The following HHAT variants were observed in gnomAD, a reference collection of about 807,000 sequenced individuals.
HHAT encodes hedgehog acyltransferase.
In HHAT, 47 loss-of-function variants were observed where a neutral mutation model predicts 70.8. The ratio of observed to expected loss-of-function variants is 0.66; its 90% CI spans 0.53 to 0.85. The LOEUF is 0.85. Among genes scored for constraint, HHAT ranks in the 40% least tolerant of loss-of-function variants. The pLI is 0.00. For synonymous variants in HHAT, 228 were observed against 247.6 expected (o/e 0.92, Z 0.74); for missense variants, 609 against 604.8 (o/e 1.01, Z -0.07).
chr1:210,520,019 T>TTTTTCTG (rs2095129346), intron 9 of HHAT, among the ~76,000 whole-genome samples: 1 of 145,536 alleles, frequency 6.9e-6, no homozygotes. Context: ...AAACCCTTTG[T>TTTTTCTG]TTTTTTGTTT....
chr1:210,374,078 A>C (rs2089881911), intron 3 of HHAT: 1 of 152,258 alleles, frequency 6.6e-6, no homozygotes, highest in African/African-American at 2.4e-5. Context: ...TTAAACAAAC[A>C]GTGACAATGA....
At chr1:210,575,694 C>A (rs1233764041) in intron 9 of HHAT, among the ~76,000 whole-genome samples, 1 of 152,142 alleles carries the variant, frequency 6.6e-6, no homozygotes, top group African/African-American at 2.4e-5. Flanking sequence ...CTTTGCTTTG[C>A]TTGTTTGTTT....
intron 10 of HHAT, among the ~76,000 whole-genome samples, chr1:210,615,391 C>G (rs1667480563): frequency 1.3e-5 from 2 of 152,186 alleles, no homozygotes; most frequent in South Asian, 4.1e-4. Context: ...GAACTTCCTC[C>G]TTTAGCTCGG....
intron 1 of HHAT, among the ~76,000 whole-genome samples, chr1:210,335,552 T>C (rs2085407651): frequency 6.6e-6 from 1 of 152,170 alleles, no homozygotes; most frequent in Non-Finnish European, 1.5e-5. Flanking sequence ...TATGTAGTCA[T>C]GTCAGTGTGG....
chr1:210,648,289 A>G (rs1356230416), intron 11 of HHAT, among the ~76,000 whole-genome samples: 5 of 152,318 alleles, frequency 3.3e-5, no homozygotes, highest in East Asian at 3.9e-4. Context: ...CCAATTTTGC[A>G]TGGAGAATCT....
chr1:210,332,915 T>C (rs2147906014), intron 1 of HHAT, among the ~76,000 whole-genome samples: 1 of 152,356 alleles, frequency 6.6e-6, no homozygotes, highest in Non-Finnish European at 1.5e-5. Context: ...CAAAGAAGCT[T>C]ACCAGTGATG....
At chr1:210,637,897 T>C (rs1403994079) in intron 11 of HHAT, among the ~76,000 whole-genome samples, 4 of 149,480 alleles carry the variant, frequency 2.7e-5, no homozygotes. Flanking sequence ...CCTGAATAGA[T>C]ATGTATGCAG....
At chr1:210,528,457 G>A (rs1341386230) in intron 9 of HHAT, among the ~76,000 whole-genome samples, 1 of 152,200 alleles carries the variant, frequency 6.6e-6, no homozygotes, top group African/African-American at 2.4e-5. Flanking sequence ...AGTTTTAGGT[G>A]CTAAGCAATA....
intron 3 of HHAT, among the ~76,000 whole-genome samples, chr1:210,386,222 C>CTTTTTTTCTT (rs2091031548): frequency 1.4e-5 from 1 of 69,890 alleles, no homozygotes; most frequent in Non-Finnish European, 2.9e-5. Flanking sequence ...GAGTCCTTTT[C>CTTTTTTTCTT]TTTTTTTCTT....
chr1:210,442,255 G>C (rs1253315621), intron 7 of HHAT, among the ~76,000 whole-genome samples: 1 of 131,716 alleles, frequency 7.6e-6, no homozygotes, highest in African/African-American at 2.8e-5. Context: ...TATCATTGTT[G>C]GACATTTGGG....
intron 10 of HHAT, among the ~76,000 whole-genome samples, chr1:210,608,127 T>G (rs1213700413): frequency 6.6e-6 from 1 of 152,178 alleles, no homozygotes; most frequent in Non-Finnish European, 1.5e-5. Flanking sequence ...TTGCAAATAA[T>G]GCATCTGCAG....
chr1:210,647,680 C>A (rs1674344146), intron 11 of HHAT, among the ~76,000 whole-genome samples: 1 of 152,090 alleles, frequency 6.6e-6, no homozygotes, highest in Admixed American at 6.5e-5. Context: ...CTGGTTTTCA[C>A]AAGAACAAAA....
In HHAT at chr1:210,387,592, A is replaced by G. The variant is rs773488932; in HGVS notation, c.273+11A>G. Reference sequence around the variant, plus strand: ...CTGCTGGCAAGAAAGGTATGATTATATGTGTTGTTACCTTTTAAGTGTGTT... The same window carrying G: ...CTGCTGGCAAGAAAGGTATGATTATGTGTGTTGTTACCTTTTAAGTGTGTT... On this transcript the variant is annotated intron_variant, in intron 4 of 11. Coordinates refer to ENST00000261458, the MANE Select transcript of HHAT (RefSeq NM_018194.6). The G allele has an allele frequency of 6.3e-7, 1 of 1,591,716 alleles. No homozygotes were observed. The highest frequency in any genetic ancestry group is 1.7e-5 in the Admixed American group (1 of 59,928).
At chr1:210,350,128 T>C (rs1265769941) in intron 2 of HHAT, among the ~76,000 whole-genome samples, 1 of 152,258 alleles carries the variant, frequency 6.6e-6, no homozygotes, top group African/African-American at 2.4e-5. Flanking sequence ...TTGTGTTGTC[T>C]ATTCTGGGTC....
At chr1:210,641,709 G>A (rs1460887256) in intron 11 of HHAT, among the ~76,000 whole-genome samples, 6 of 152,158 alleles carry the variant, frequency 3.9e-5, no homozygotes, top group Non-Finnish European at 5.9e-5. Context: ...TTCACTCAGC[G>A]AAACTGAGCC....
At chr1:210,619,151 G>C (rs182585258) in intron 10 of HHAT, among the ~76,000 whole-genome samples, 3 of 152,260 alleles carry the variant, frequency 2.0e-5, no homozygotes, top group African/African-American at 7.2e-5. Context: ...CACCTGAAGA[G>C]TGGGTATATT....
chr1:210,418,015 G>A, intron 6 of HHAT, 139 bp from the exon 7 acceptor site: 1 of 761,698 alleles, frequency 1.3e-6, no homozygotes, highest in South Asian at 1.6e-5. Flanking sequence ...AACATTGAGT[G>A]TTCCCAAGAC....
At chr1:210,473,163 A>T (rs2094236980) in intron 8 of HHAT, among the ~76,000 whole-genome samples, 1 of 152,306 alleles carries the variant, frequency 6.6e-6, no homozygotes, top group East Asian at 1.9e-4. Flanking sequence ...TGTCAAAGAG[A>T]TACATTTTAG....
intron 10 of HHAT, among the ~76,000 whole-genome samples, chr1:210,621,221 C>T (rs930997068): frequency 2.0e-5 from 3 of 152,036 alleles, no homozygotes; most frequent in Non-Finnish European, 2.9e-5. Flanking sequence ...AGCCACTTAG[C>T]TTAACAAGCT....
Sources: gnomAD v4.1 joint callset for allele counts (sites outside exome capture counted in the v4.1 genomes callset) on GRCh38, gnomAD v4.1.1 for gene constraint, MANE v1.5 for transcripts, NCBI Gene and HGNC (gene_info 2026-07-23, HGNC 2026-07-21) for gene names.